Variants in MAGI2 observed in about 807,000 individuals in gnomAD.
MAGI2 encodes membrane associated guanylate kinase, WW and PDZ domain containing 2.
MAGI2 carries 35 observed loss-of-function variants against 133.3 expected under a neutral mutation model. The observed-to-expected ratio is 0.26, with a 90% CI of 0.20 to 0.35. The LOEUF (loss-of-function observed/expected upper bound fraction) is 0.35, where lower values mean the gene tolerates loss of function less well. Ranked by LOEUF, MAGI2 falls within the 10% of genes least tolerant of loss-of-function variation. The probability of loss-of-function intolerance (pLI) is 1.00; values close to 1 mark genes in which losing one functional copy is unlikely to be tolerated. For synonymous variants in MAGI2, 729 were observed against 710.6 expected (o/e 1.03, Z -0.41); for missense variants, 1,636 against 1,863.4 (o/e 0.88, Z 2.25).
At chr7:78,081,595 C>G (rs1219565348) in intron 20 of MAGI2, among the ~76,000 whole-genome samples, 2 of 152,072 alleles carry the variant, frequency 1.3e-5, no homozygotes, top group Non-Finnish European at 2.9e-5. Context: ...GGAAAGCATT[C>G]TAGGCAGAGA....
intron 1 of MAGI2, among the ~76,000 whole-genome samples, chr7:79,261,655 A>G (rs1834100712): frequency 1.3e-5 from 2 of 152,134 alleles, no homozygotes; most frequent in Admixed American, 6.5e-5. Context: ...CCATTGCTTT[A>G]TTCCTACCCT....
chr7:78,992,180 T>C (rs1027146429), intron 2 of MAGI2, among the ~76,000 whole-genome samples: 10 of 152,164 alleles, frequency 6.6e-5, no homozygotes, highest in Middle Eastern at 3.4e-3. Context: ...TTAACTGTGA[T>C]ACAGAGTAGT....
intron 9 of MAGI2, among the ~76,000 whole-genome samples, chr7:78,290,688 A>G (rs1018882951): frequency 1.3e-5 from 2 of 152,212 alleles, no homozygotes; most frequent in Admixed American, 6.5e-5. Context: ...AATTGACCAC[A>G]CACTTGGAAG....
chr7:78,902,257 T>G (rs534312679), intron 2 of MAGI2, among the ~76,000 whole-genome samples: 27 of 152,326 alleles, frequency 1.8e-4, no homozygotes, highest in African/African-American at 6.0e-4. Context: ...GGACTGGGCC[T>G]AATCATACAA....
At chr7:78,697,755 T>G (rs768099252) in intron 2 of MAGI2, among the ~76,000 whole-genome samples, 55 of 152,176 alleles carry the variant, frequency 3.6e-4, no homozygotes, top group Non-Finnish European at 7.1e-4. Flanking sequence ...GCTTTGCAAT[T>G]TTTTTCAGGT....
chr7:79,198,742 G>T (rs1012814320), intron 1 of MAGI2, among the ~76,000 whole-genome samples: 33 of 151,900 alleles, frequency 2.2e-4, no homozygotes, highest in African/African-American at 8.0e-4. Context: ...AAAAAAATTA[G>T]CTGGGTGTGG....
At chr7:78,771,706 T>C (rs1825604921) in intron 2 of MAGI2, among the ~76,000 whole-genome samples, 1 of 152,118 alleles carries the variant, frequency 6.6e-6, no homozygotes, top group East Asian at 1.9e-4. Context: ...AATTGGTCTT[T>C]TCTTTGACAT....
intron 2 of MAGI2, among the ~76,000 whole-genome samples, chr7:78,676,983 A>C (rs1274046967): frequency 1.3e-5 from 2 of 152,132 alleles, no homozygotes; most frequent in African/African-American, 2.4e-5. Context: ...CTGTTATCCT[A>C]ACTGTTTTAA....
chr7:78,351,659 C>G (rs1791526966), intron 7 of MAGI2: 1 of 152,046 alleles, frequency 6.6e-6, no homozygotes, highest in African/African-American at 2.4e-5. Flanking sequence ...GCACTGTTAC[C>G]AACTCCCATC....
chr7:78,704,421 C>T (rs867000910), intron 2 of MAGI2, among the ~76,000 whole-genome samples: 36 of 151,950 alleles, frequency 2.4e-4, no homozygotes, highest in African/African-American at 3.6e-4. Flanking sequence ...AAAAATAACA[C>T]GCTAGTGAAG....
At chr7:78,237,174 C>T (rs1790640015) in intron 10 of MAGI2, among the ~76,000 whole-genome samples, 1 of 152,086 alleles carries the variant, frequency 6.6e-6, no homozygotes, top group African/African-American at 2.4e-5. Context: ...CCTCTTTCAC[C>T]AGTATTTAGA....
rs1216512680 is a variant in MAGI2, at chr7:79,008,624, G to T, written c.302-1418C>A. On this transcript the variant is annotated intron_variant, in intron 1 of 21. Coordinates refer to ENST00000354212, the MANE Select transcript of MAGI2 (RefSeq NM_012301.4). ...ATAAAAGAAAAACATTTTTTGTTGG[G>T]TGTACATAAATATTACATCCGGAAT... 3.9e-5 allele frequency: 6 copies of T among 152,136 alleles called. No individual in the cohort carries two copies. The East Asian group carries it at 1.2e-3, about 29-fold the overall frequency. 9.4% of individuals were successfully genotyped at this position (152,136 alleles called of 1,614,324 possible). A position where few individuals can be genotyped will look rare whatever the true frequency, so the allele number is the denominator to read the frequency against.
intron 6 of MAGI2, among the ~76,000 whole-genome samples, chr7:78,399,482 G>T (rs1460942291): frequency 6.6e-6 from 1 of 152,150 alleles, no homozygotes; most frequent in East Asian, 1.9e-4. Flanking sequence ...CATCAGTCGA[G>T]GTAATGGGAG....
chr7:78,822,670 A>G (rs1464652217), intron 2 of MAGI2, among the ~76,000 whole-genome samples: 1 of 152,162 alleles, frequency 6.6e-6, no homozygotes, highest in African/African-American at 2.4e-5. Flanking sequence ...AAGGGTAGGT[A>G]TATACTACTA....
At chr7:78,218,148 A>G (rs1788449599) in intron 10 of MAGI2, among the ~76,000 whole-genome samples, 1 of 152,252 alleles carries the variant, frequency 6.6e-6, no homozygotes, top group Non-Finnish European at 1.5e-5. Context: ...TATTGCATAG[A>G]TGAGAGACTG....
intron 1 of MAGI2, among the ~76,000 whole-genome samples, chr7:79,238,137 C>T (rs995975198): frequency 1.3e-5 from 2 of 152,064 alleles, no homozygotes; most frequent in Non-Finnish European, 2.9e-5. Flanking sequence ...TTCAAATTTG[C>T]TTTTCTTATT....
intron 2 of MAGI2, among the ~76,000 whole-genome samples, chr7:78,675,973 G>A (rs1328066389): frequency 6.6e-6 from 1 of 152,004 alleles, no homozygotes; most frequent in East Asian, 1.9e-4. Flanking sequence ...CAAGAATATG[G>A]TATATCCTAA....
chr7:78,019,848 G>A lies in MAGI2; in HGVS notation c.3835C>T (p.Gln1279Ter). 3.1e-6 allele frequency: 5 copies of A among 1,613,640 alleles called. No homozygotes were observed. The highest frequency in any genetic ancestry group is 4.2e-6 in the Non-Finnish European group (5 of 1,179,934). Reference sequence around the variant, plus strand: ...TCCCAAGTTGGGCCTGGGCTTATCTGGTGGGAAGGGTCGGAGGGTGGGGCT... The same window carrying A: ...TCCCAAGTTGGGCCTGGGCTTATCTAGTGGGAAGGGTCGGAGGGTGGGGCT... ...HPAPPSDPSH[Q>*]ISPGPTWDIK... is the part of the protein sequence containing the mutation. Residue 1279 changes from glutamine to a stop codon, truncating the protein, a stop_gained, in exon 22 of 22, where the codon CAG becomes TAG. Coordinates refer to ENST00000354212, the MANE Select transcript of MAGI2 (RefSeq NM_012301.4). LOFTEE classifies it high-confidence loss of function.
intron 1 of MAGI2, among the ~76,000 whole-genome samples, chr7:79,129,234 C>T (rs1820699654): frequency 6.6e-6 from 1 of 152,080 alleles, no homozygotes; most frequent in Admixed American, 6.6e-5. Context: ...AACACGAAGC[C>T]TATTTTATAA....
Sources: allele counts gnomAD v4.1 joint callset (sites outside exome capture counted in the v4.1 genomes callset), GRCh38; gene constraint gnomAD v4.1.1; transcripts MANE v1.5; gene names NCBI Gene and HGNC (gene_info 2026-07-23, HGNC 2026-07-21).